The following LHPP variants were observed in gnomAD, a reference collection of about 807,000 sequenced individuals.
The protein encoded by LHPP is phospholysine phosphohistidine inorganic pyrophosphate phosphatase, also known as hLHPP.
In LHPP, 24 loss-of-function variants were observed where a neutral mutation model predicts 30.3. The observed-to-expected ratio is 0.79, with a 90% CI of 0.57 to 1.11. The LOEUF (loss-of-function observed/expected upper bound fraction) is 1.11, where lower values mean the gene tolerates loss of function less well. Ranked by LOEUF, LHPP falls within the 50% of genes most tolerant of loss-of-function variation. The pLI, the probability that LHPP is intolerant of heterozygous loss-of-function variation, is 0.00. For missense variants in LHPP, 356 were observed against 367.2 expected, an observed-to-expected ratio of 0.97 and a Z score of 0.25; for synonymous variants, 150 against 157.1, an observed-to-expected ratio of 0.95 and a Z score of 0.34.
intron 6 of LHPP, among the ~76,000 whole-genome samples, chr10:124,550,520 T>TC (rs2133957974): frequency 6.6e-6 from 1 of 152,302 alleles, no homozygotes; most frequent in Non-Finnish European, 1.5e-5. Flanking sequence ...TGTGGAGGGT[T>TC]CGTGCACCGG....
chr10:124,465,965 G>A (rs1030659770), intron 1 of LHPP, among the ~76,000 whole-genome samples: 13 of 152,204 alleles, frequency 8.5e-5, no homozygotes, highest in Admixed American at 2.0e-4. Flanking sequence ...GTGAGAGTTT[G>A]TGGAAACAGA....
intron 1 of LHPP, among the ~76,000 whole-genome samples, chr10:124,465,987 A>T (rs1271012287): frequency 6.6e-6 from 1 of 152,220 alleles, no homozygotes; most frequent in African/African-American, 2.4e-5. Context: ...CCTGCCACAC[A>T]TTGCTTGCAG....
chr10:124,527,232 C>T (rs570502646), intron 6 of LHPP, among the ~76,000 whole-genome samples: 132 of 152,344 alleles, frequency 8.7e-4, no homozygotes, highest in Non-Finnish European at 1.6e-3. Context: ...ACCATTGCTG[C>T]TGTGTTCTGA....
At chr10:124,594,033 C>G (rs577436900) in intron 6 of LHPP, among the ~76,000 whole-genome samples, 1 of 152,170 alleles carries the variant, frequency 6.6e-6, no homozygotes, top group South Asian at 2.1e-4. Flanking sequence ...GTTATTATTA[C>G]GCACATTTTA....
chr10:124,521,751 C>T (rs2133917243), intron 6 of LHPP, among the ~76,000 whole-genome samples: 1 of 152,276 alleles, frequency 6.6e-6, no homozygotes, highest in South Asian at 2.1e-4. Context: ...GTCACTGGCA[C>T]CAGGAAGGGG....
intron 1 of LHPP, among the ~76,000 whole-genome samples, chr10:124,470,504 G>A (rs1456361847): frequency 6.6e-6 from 1 of 152,088 alleles, no homozygotes. Context: ...GTGCCTCCTA[G>A]TAGGTCTGGA....
At chr10:124,469,834 C>T (rs11245066) in intron 1 of LHPP, among the ~76,000 whole-genome samples, 26,736 of 151,976 alleles carry the variant, frequency 0.18, 2,529 homozygotes, top group East Asian at 0.3. Flanking sequence ...ATCTGAGACA[C>T]GCAGTGAGGT....
chr10:124,585,386 G>T (rs369836659), intron 6 of LHPP, among the ~76,000 whole-genome samples: 1 of 152,058 alleles, frequency 6.6e-6, no homozygotes, highest in East Asian at 1.9e-4. Context: ...AGGCCGAGGC[G>T]GGCAGATTGC....
chr10:124,606,579 C>T (rs1239115936), intron 6 of LHPP, among the ~76,000 whole-genome samples: 20 of 152,266 alleles, frequency 1.3e-4, no homozygotes, highest in East Asian at 1.9e-4. Flanking sequence ...TCTTTTGTTT[C>T]GTTTCAGAGT....
rs1953037151 is a variant in LHPP at position 124,478,845 on chromosome 10, G to C, written c.126-5294G>C. Among the ~76,000 whole-genome samples, 1 of 152,204 alleles carries C rather than the reference G, an allele frequency of 6.6e-6. No individual in the cohort carries two copies. The highest frequency in any genetic ancestry group is 1.5e-5 in the Non-Finnish European group (1 of 68,040). On this transcript the variant is annotated intron_variant, in intron 1 of 6. Coordinates refer to ENST00000368842, the MANE Select transcript of LHPP (RefSeq NM_022126.4). This position sits in a 1 kb window ranked among gnomAD's most constrained non-coding sequence, Gnocchi z 4.7. ...GCACTTTGGGAGGCCGAGGCAGGTG[G>C]ATCACTGGAGATTGGGAGTTCAAGA...
chr10:124,580,102 GCTTCA>G (rs72387021), intron 6 of LHPP, among the ~76,000 whole-genome samples: 20,189 of 152,052 alleles, frequency 0.13, 1,778 homozygotes, highest in Non-Finnish European at 0.2. Context: ...ATCCTTTGTA[GCTTCA>G]CTGTGGAATG....
intron 6 of LHPP, among the ~76,000 whole-genome samples, chr10:124,600,678 G>A (rs1405368778): frequency 6.6e-6 from 1 of 152,198 alleles, no homozygotes; most frequent in Non-Finnish European, 1.5e-5. Context: ...CTCAGGCCAG[G>A]GCGCCAAGGC....
intron 4 of LHPP, among the ~76,000 whole-genome samples, chr10:124,497,725 C>T (rs561091055): frequency 8.5e-5 from 13 of 152,302 alleles, no homozygotes; most frequent in African/African-American, 2.6e-4. Flanking sequence ...GAATTGCAGG[C>T]GAGTGAGCAG....
chr10:124,462,044 C>G, intron 1 of LHPP, 57 bp downstream of exon 1: 1 of 1,187,540 alleles, frequency 8.4e-7, no homozygotes, highest in Non-Finnish European at 1.0e-6. Flanking sequence ...AGCCCGCTCC[C>G]TGGCTGCCGG....
chr10:124,494,612 G>A (rs1000694308), intron 3 of LHPP, among the ~76,000 whole-genome samples: 3 of 152,186 alleles, frequency 2.0e-5, no homozygotes, highest in Non-Finnish European at 4.4e-5. Flanking sequence ...GCCTGTGGTG[G>A]CGTGGCCACC....
At chr10:124,584,918 T>A (rs1948785248) in intron 6 of LHPP, among the ~76,000 whole-genome samples, 1 of 152,152 alleles carries the variant, frequency 6.6e-6, no homozygotes, top group Non-Finnish European at 1.5e-5. Context: ...TGGGTCGCAG[T>A]CAAAACCCAA....
rs75298267 is a variant in LHPP, at chr10:124,574,259, G to A, written c.717-39005G>A. ...CGCGCAGCCACAGCAAACAGGCAGC[G>A]TGGCGCTGAGGGGCACAGGTTTGCT... On this transcript the variant is annotated intron_variant, in intron 6 of 6. Coordinates refer to ENST00000368842, the MANE Select transcript of LHPP (RefSeq NM_022126.4). Among the ~76,000 whole-genome samples the A allele has an allele frequency of 8.7e-4, 132 of 152,380 alleles. No individual in the cohort carries two copies. The East Asian group carries it at 0.018, about 21-fold the overall frequency.
At chr10:124,599,327 G>A (rs1390244475) in intron 6 of LHPP, among the ~76,000 whole-genome samples, 1 of 152,152 alleles carries the variant, frequency 6.6e-6, no homozygotes, top group Admixed American at 6.5e-5. Flanking sequence ...CCATGCCCAC[G>A]ACCTGCACCA....
intron 6 of LHPP, among the ~76,000 whole-genome samples, chr10:124,520,548 A>G (rs921823661): frequency 1.3e-5 from 2 of 152,242 alleles, no homozygotes; most frequent in East Asian, 3.8e-4. Flanking sequence ...GTTCCTAACG[A>G]GATTTAAAAT....
Sources: allele counts gnomAD v4.1 joint callset (sites outside exome capture counted in the v4.1 genomes callset), GRCh38; gene constraint gnomAD v4.1.1; non-coding constraint Gnocchi (gnomAD v3.1); transcripts MANE v1.5; gene names NCBI Gene and HGNC (gene_info 2026-07-23, HGNC 2026-07-21).